The following MTPN variants were observed in gnomAD, a reference collection of about 807,000 sequenced individuals.
MTPN encodes the protein myotrophin, also known as granule cell differentiation protein.
Under a neutral mutation model 13.5 loss-of-function variants are expected in MTPN, and 2 were observed. The observed-to-expected ratio is 0.15, with a 90% CI of 0.06 to 0.47. The LOEUF (loss-of-function observed/expected upper bound fraction) is 0.47. Among genes scored for constraint, MTPN ranks in the 20% least tolerant of loss-of-function variants. The pLI is 0.97. For missense variants in MTPN, 79 were observed against 137.9 expected, an observed-to-expected ratio of 0.57 and a Z score of 2.14; for synonymous variants, 46 against 51.7, an observed-to-expected ratio of 0.89 and a Z score of 0.48.
intron 1 of MTPN, among the ~76,000 whole-genome samples, chr7:135,961,523 C>G (rs1011143317): frequency 6.1e-5 from 9 of 147,400 alleles, no homozygotes; most frequent in African/African-American, 2.0e-4. Context: ...AGATATATAC[C>G]TTTTTTTTTT....
At chr7:135,975,611 A>C (rs975533466) in intron 1 of MTPN, among the ~76,000 whole-genome samples, 1 of 152,244 alleles carries the variant, frequency 6.6e-6, no homozygotes, top group Non-Finnish European at 1.5e-5. Flanking sequence ...AGTATATCAA[A>C]CAACCTAGGT....
At chr7:135,934,395 C>A (rs1011558741) in intron 3 of MTPN, among the ~76,000 whole-genome samples, 1 of 152,134 alleles carries the variant, frequency 6.6e-6, no homozygotes, top group African/African-American at 2.4e-5. Context: ...CTGCTTCTAG[C>A]CTTCTAGATA....
intron 1 of MTPN, among the ~76,000 whole-genome samples, chr7:135,964,193 T>C (rs1799571625): frequency 6.6e-6 from 1 of 152,026 alleles, no homozygotes; most frequent in African/African-American, 2.4e-5. Flanking sequence ...TATAACTTTA[T>C]CTTAACAAAC....
intron 1 of MTPN, among the ~76,000 whole-genome samples, chr7:135,966,377 G>A (rs1479343793): frequency 2.6e-5 from 4 of 152,074 alleles, no homozygotes; most frequent in Admixed American, 1.3e-4. Flanking sequence ...CCTCATGATT[G>A]AGTGGCTGAC....
chr7:135,972,234 C>T (rs1361853178), intron 1 of MTPN, among the ~76,000 whole-genome samples: 6 of 123,638 alleles, frequency 4.9e-5, no homozygotes, highest in Non-Finnish European at 9.1e-5. Context: ...CGCGCGCGCA[C>T]ACACACACAC....
intron 3 of MTPN, among the ~76,000 whole-genome samples, chr7:135,935,846 C>T (rs1458795009): frequency 1.3e-5 from 2 of 151,796 alleles, no homozygotes; most frequent in African/African-American, 4.8e-5. Context: ...TGGGATGGTG[C>T]CCCAATTCTC....
chr7:135,944,608 T>C (rs882697), intron 3 of MTPN, among the ~76,000 whole-genome samples: 12,161 of 151,850 alleles, frequency 0.08, 533 homozygotes, highest in Non-Finnish European at 0.086. Flanking sequence ...GATCACGCCA[T>C]TGCACTCCAG....
Position 135,947,782 on chromosome 7 carries a change from T to C in MTPN, c.270+2817A>G, listed in dbSNP as rs149557523. 2.7e-3 allele frequency among the ~76,000 whole-genome samples: 404 copies of C among 152,240 alleles called. 2 individuals are homozygous for C. The highest frequency in any genetic ancestry group is 4.8e-3 in the Admixed American group (74 of 15,280). Reference sequence around the variant, plus strand: ...ACCACCCCGAGATAAATGGTTTCCTTATCCATAAAAGAGAGATAATAATAC... The same window carrying C: ...ACCACCCCGAGATAAATGGTTTCCTCATCCATAAAAGAGAGATAATAATAC... On this transcript the variant is annotated intron_variant, in intron 3 of 3. Coordinates refer to ENST00000393085, the MANE Select transcript of MTPN (RefSeq NM_145808.4).
At chr7:135,958,880 A>C (rs1251532481) in intron 1 of MTPN, among the ~76,000 whole-genome samples, 1 of 152,148 alleles carries the variant, frequency 6.6e-6, no homozygotes, top group Non-Finnish European at 1.5e-5. Flanking sequence ...AAATTTCACT[A>C]AAGTATTTCA....
intron 1 of MTPN, among the ~76,000 whole-genome samples, chr7:135,972,231 G>GCGCACACACACACA (rs779296906): frequency 3.4e-4 from 42 of 124,714 alleles, no homozygotes; most frequent in African/African-American, 1.1e-3. Context: ...GCACGCGCGC[G>GCGCACACACACACA]CACACACACA....
chr7:135,938,723 C>T (rs1319631915), intron 3 of MTPN, among the ~76,000 whole-genome samples: 2 of 152,110 alleles, frequency 1.3e-5, no homozygotes, highest in African/African-American at 2.4e-5. Flanking sequence ...CTACTGAAGA[C>T]GGTCACACTA....
Position 135,974,100 on chromosome 7 carries a change from G to A in MTPN, c.72+2929C>T, listed in dbSNP as rs145235722. On this transcript the variant is annotated intron_variant, in intron 1 of 3. Transcript: ENST00000393085. ...TTCAAAATACAATTTTCAGTGGTTT[G>A]GGGACTGTGAACTGACTTTTCTAAG... Among the ~76,000 whole-genome samples, 316 of 152,214 alleles carry A rather than the reference G, an allele frequency of 2.1e-3. 2 individuals are homozygous for A. Among genetic ancestry groups the A allele is most frequent in the African/African-American group, 7.2e-3 (300 of 41,522 alleles).
In MTPN at chr7:135,968,126, A is replaced by G. The variant is rs182287382; in HGVS notation, c.72+8903T>C. Among the ~76,000 whole-genome samples the G allele has an allele frequency of 2.0e-4, 31 of 152,182 alleles. No individual in the cohort carries two copies. In the East Asian group the frequency reaches 5.6e-3, roughly 28 times the overall value. On this transcript the variant is annotated intron_variant, in intron 1 of 3. Coordinates refer to ENST00000393085, the MANE Select transcript of MTPN (RefSeq NM_145808.4). The stretch of plus-strand genomic sequence containing the variant: ...TTTTTTTTTAATACCTCCATTTTTC[A>G]GTATTTTTCAGATACTTACTTTAGG...
chr7:135,976,916 G>A lies in MTPN; in HGVS notation c.72+113C>T, dbSNP rs979455417. The A allele has an allele frequency of 8.5e-6, 8 of 946,718 alleles. No individual in the cohort carries two copies. In the Admixed American group the frequency reaches 1.4e-4, roughly 17 times the overall value. The allele number at this position is 946,718 out of a possible 1,614,324, so 58.6% of individuals were successfully genotyped here. Reference sequence around the variant, plus strand: ...TCTCCTTGGTGCCGCCTCCACCCAGGAAGTCTCTCCTCCCGCCCACCCCCA... The same window carrying A: ...TCTCCTTGGTGCCGCCTCCACCCAGAAAGTCTCTCCTCCCGCCCACCCCCA... On this transcript the variant is annotated intron_variant, in intron 1 of 3. Transcript: ENST00000393085.
intron 1 of MTPN, among the ~76,000 whole-genome samples, chr7:135,955,609 C>T (rs1007460125): frequency 6.6e-6 from 1 of 152,046 alleles, no homozygotes; most frequent in East Asian, 1.9e-4. Context: ...CAAAACAAGA[C>T]AAAGATGTTA....
intron 1 of MTPN, among the ~76,000 whole-genome samples, chr7:135,961,043 A>AC (rs1427976175): frequency 2.0e-5 from 3 of 152,226 alleles, no homozygotes; most frequent in South Asian, 4.1e-4. Context: ...TAAAATTTGT[A>AC]CCGAAGTCAG....
chr7:135,967,607 T>TG, intron 1 of MTPN, among the ~76,000 whole-genome samples: 1 of 152,308 alleles, frequency 6.6e-6, no homozygotes. Flanking sequence ...CTGGACTAGT[T>TG]GCTCTGTAAG....
intron 3 of MTPN, among the ~76,000 whole-genome samples, chr7:135,931,558 A>T (rs544249211): frequency 6.6e-6 from 1 of 152,296 alleles, no homozygotes; most frequent in East Asian, 1.9e-4. Context: ...TTCAGGGTCA[A>T]GTGGGAGAGA....
chr7:135,963,589 T>A (rs1408055878), intron 1 of MTPN, among the ~76,000 whole-genome samples: 1 of 152,058 alleles, frequency 6.6e-6, no homozygotes, highest in African/African-American at 2.4e-5. Flanking sequence ...AAGTATAACA[T>A]CAACCTGCTC....
Sources: gnomAD v4.1 joint callset for allele counts (sites outside exome capture counted in the v4.1 genomes callset) on GRCh38, gnomAD v4.1.1 for gene constraint, MANE v1.5 for transcripts, NCBI Gene and HGNC (gene_info 2026-07-23, HGNC 2026-07-21) for gene names.